MACROD2: variants seen among roughly 807,000 people sequenced by gnomAD.
The protein encoded by MACROD2 is mono-ADP ribosylhydrolase 2.
A neutral mutation model predicts 70.4 loss-of-function variants in MACROD2; 36 were observed. The ratio of observed to expected loss-of-function variants is 0.51; its 90% CI spans 0.39 to 0.68. The LOEUF is 0.68. MACROD2 is among the 30% of genes least tolerant of loss of function. The pLI, the probability that MACROD2 is intolerant of heterozygous loss-of-function variation, is 0.00. For missense variants in MACROD2, 496 were observed against 538.4 expected, an observed-to-expected ratio of 0.92 and a Z score of 0.78; for synonymous variants, 172 against 178.8, an observed-to-expected ratio of 0.96 and a Z score of 0.30.
chr20:14,833,650 G>A (rs182661038), intron 5 of MACROD2, among the ~76,000 whole-genome samples: 78 of 151,780 alleles, frequency 5.1e-4, no homozygotes, highest in African/African-American at 1.8e-3. Context: ...CAATTATTTC[G>A]ATTTTACTCT....
At chr20:14,481,067 C>T (rs532400200) in intron 3 of MACROD2, among the ~76,000 whole-genome samples, 8 of 152,076 alleles carry the variant, frequency 5.3e-5, no homozygotes, top group South Asian at 4.1e-4. Flanking sequence ...GGAGTGCTAA[C>T]GATAGAAAAC....
intron 15 of MACROD2, among the ~76,000 whole-genome samples, chr20:16,031,030 T>G (rs2067144616): frequency 6.6e-6 from 1 of 152,050 alleles, no homozygotes; most frequent in Non-Finnish European, 1.5e-5. Context: ...CCTAAAACTT[T>G]TAGAAGAATA....
In MACROD2 at chr20:15,869,238, T is replaced by TATAGAG; in HGVS notation, c.727+6413_727+6414insTAGAGA. The stretch of plus-strand genomic sequence containing the variant: ...ATATATATATATATATATATATATA[T>TATAGAG]AGAGAGAGAGAGAGAGAGAGAGAGA... On this transcript the variant is annotated intron_variant, in intron 9 of 17. Coordinates refer to ENST00000684519, the MANE Select transcript of MACROD2 (RefSeq NM_001351661.2). Among the ~76,000 whole-genome samples, 177 of 28,280 alleles carry TATAGAG rather than the reference T, an allele frequency of 6.3e-3. 8 individuals are homozygous for TATAGAG. The highest frequency in any genetic ancestry group is 8.1e-3 in the Non-Finnish European group (105 of 13,024). The allele number at this position is 28,280 out of a possible 152,430, so 18.6% of individuals were successfully genotyped here. A position where few individuals can be genotyped will look rare whatever the true frequency, so the allele number is the denominator to read the frequency against.
chr20:14,253,859 T>A (rs2082031652), intron 3 of MACROD2, among the ~76,000 whole-genome samples: 1 of 152,136 alleles, frequency 6.6e-6, no homozygotes, highest in South Asian at 2.1e-4. Flanking sequence ...TGCATTTATT[T>A]GTTTCATATG....
chr20:14,895,981 G>A (rs939028902), intron 5 of MACROD2, among the ~76,000 whole-genome samples: 6 of 152,254 alleles, frequency 3.9e-5, no homozygotes, highest in South Asian at 2.1e-4. Context: ...TTGGAAATGC[G>A]TTAGGTCAAT....
intron 5 of MACROD2, among the ~76,000 whole-genome samples, chr20:14,831,408 T>C (rs1407734123): frequency 6.6e-6 from 1 of 152,016 alleles, no homozygotes; most frequent in Non-Finnish European, 1.5e-5. Context: ...GATATCCTTT[T>C]GGAATATCCA....
At chr20:14,381,650 T>A (rs577282034) in intron 3 of MACROD2, among the ~76,000 whole-genome samples, 2 of 152,320 alleles carry the variant, frequency 1.3e-5, no homozygotes, top group South Asian at 4.1e-4. Flanking sequence ...AAAATAGCAG[T>A]GAGCGGTGTT....
chr20:14,706,068 C>T (rs983109175), intron 5 of MACROD2, among the ~76,000 whole-genome samples: 1 of 152,088 alleles, frequency 6.6e-6, no homozygotes, highest in Non-Finnish European at 1.5e-5. Context: ...GTAATCCCAG[C>T]GCTTTGAGAG....
intron 2 of MACROD2, among the ~76,000 whole-genome samples, chr20:14,037,845 CA>C (rs542154412): frequency 6.7e-6 from 1 of 149,576 alleles, no homozygotes; most frequent in Non-Finnish European, 1.5e-5. Flanking sequence ...GTGGTCTCTA[CA>C]AAAAAAAACC....
At chr20:14,431,349 G>T (rs1022882774) in intron 3 of MACROD2, among the ~76,000 whole-genome samples, 6 of 152,070 alleles carry the variant, frequency 3.9e-5, no homozygotes, top group Admixed American at 2.0e-4. Context: ...GTTAACTATT[G>T]TGCTGTAGGG....
chr20:14,418,956 T>C (rs35618705), intron 3 of MACROD2, among the ~76,000 whole-genome samples: 10,791 of 152,264 alleles, frequency 0.071, 520 homozygotes, highest in Non-Finnish European at 0.11. Context: ...ATCTTTAAAA[T>C]AGAAGTAATA....
intron 8 of MACROD2, among the ~76,000 whole-genome samples, chr20:15,788,744 G>A (rs761724896): frequency 3.7e-4 from 57 of 152,172 alleles, no homozygotes; most frequent in Non-Finnish European, 6.6e-4. Flanking sequence ...TTCAGGAAAT[G>A]TGACTGCTTC....
intron 4 of MACROD2, among the ~76,000 whole-genome samples, chr20:14,623,555 C>A (rs1983957399): frequency 6.6e-6 from 1 of 152,098 alleles, no homozygotes; most frequent in African/African-American, 2.4e-5. Context: ...CTGTAGCAGA[C>A]AGTGGATGAA....
chr20:15,208,908 C>A (rs1332822720), intron 5 of MACROD2, among the ~76,000 whole-genome samples: 3 of 152,168 alleles, frequency 2.0e-5, no homozygotes, highest in African/African-American at 4.8e-5. Flanking sequence ...TCCTAACCAG[C>A]CTCCTCTGAT....
At chr20:15,051,339 TGTGTGTG>T (rs1377583032) in intron 5 of MACROD2, among the ~76,000 whole-genome samples, 1 of 114 alleles carries the variant, frequency 8.8e-3, no homozygotes, top group African/African-American at 0.045. Context: ...CAGTAGGAGA[TGTGTGTG>T]TGTGTGTGTG....
chr20:15,603,950 T>C (rs2048859036), intron 8 of MACROD2, among the ~76,000 whole-genome samples: 1 of 152,216 alleles, frequency 6.6e-6, no homozygotes, highest in Non-Finnish European at 1.5e-5. Flanking sequence ...CTATTTTAAA[T>C]TAGTGGTCAT....
chr20:15,835,191 C>T (rs1233987527), intron 8 of MACROD2, among the ~76,000 whole-genome samples: 4 of 152,168 alleles, frequency 2.6e-5, no homozygotes, highest in Non-Finnish European at 4.4e-5. Context: ...CAATATTTGA[C>T]TAAAACCTGT....
chr20:15,414,301 A>C (rs1322167216), intron 6 of MACROD2, among the ~76,000 whole-genome samples: 1 of 152,168 alleles, frequency 6.6e-6, no homozygotes, highest in Non-Finnish European at 1.5e-5. Flanking sequence ...ATCATCTGGG[A>C]GCATGTTAAT....
At chr20:14,412,682 C>T (rs1256186080) in intron 3 of MACROD2, among the ~76,000 whole-genome samples, 5 of 152,112 alleles carry the variant, frequency 3.3e-5, no homozygotes, top group Admixed American at 1.3e-4. Context: ...ATAATCCCTA[C>T]GTTACAGGCC....
Sources: allele counts gnomAD v4.1 joint callset (sites outside exome capture counted in the v4.1 genomes callset), GRCh38; gene constraint gnomAD v4.1.1; transcripts MANE v1.5; gene names NCBI Gene and HGNC (gene_info 2026-07-23, HGNC 2026-07-21).